AGPS: variants seen among roughly 807,000 people sequenced by gnomAD.
The protein encoded by AGPS is alkyldihydroxyacetonephosphate synthase, peroxisomal.
A neutral mutation model predicts 90.7 loss-of-function variants in AGPS; 26 were observed. The observed-to-expected ratio is 0.29, with a 90% CI of 0.21 to 0.40. AGPS has a LOEUF of 0.40. Among genes scored for constraint, AGPS ranks in the 10% least tolerant of loss-of-function variants. The pLI, the probability that AGPS is intolerant of heterozygous loss-of-function variation, is 1.00. For missense variants in AGPS, 540 were observed against 816.1 expected, an observed-to-expected ratio of 0.66 and a Z score of 4.12; for synonymous variants, 294 against 285.3, an observed-to-expected ratio of 1.03 and a Z score of -0.31.
chr2:177,518,565 G>C (rs1209141621), intron 17 of AGPS, among the ~76,000 whole-genome samples: 3 of 151,934 alleles, frequency 2.0e-5, no homozygotes, highest in Non-Finnish European at 2.9e-5. Context: ...AGTTATAATT[G>C]TGATACTTGT....
At chr2:177,526,803 G>T (rs953126219) in intron 19 of AGPS, among the ~76,000 whole-genome samples, 4 of 152,148 alleles carry the variant, frequency 2.6e-5, no homozygotes, top group Non-Finnish European at 1.5e-5. Context: ...GAAGAGAAAG[G>T]GGATAGAATA....
chr2:177,433,427 A>T (rs1026114709), intron 2 of AGPS, among the ~76,000 whole-genome samples: 10 of 152,110 alleles, frequency 6.6e-5, no homozygotes, highest in African/African-American at 2.4e-4. Flanking sequence ...TTTTTTTCTA[A>T]TATTCACCAG....
chr2:177,414,897 C>CGTGTGTGTGTGTGTGTGTGTGTGTGTGT (rs397986794), intron 1 of AGPS, among the ~76,000 whole-genome samples: 49 of 146,308 alleles, frequency 3.3e-4, no homozygotes, highest in African/African-American at 1.2e-3. Context: ...TATGAAGGTT[C>CGTGTGTGTGTGTGTGTGTGTGTGTGTGT]GTGTGTGTGT....
intron 2 of AGPS, among the ~76,000 whole-genome samples, chr2:177,420,635 C>T (rs146351419): frequency 6.6e-6 from 1 of 151,414 alleles, no homozygotes; most frequent in African/African-American, 2.4e-5. Context: ...TCCAAAATAG[C>T]AAAAAATTTT....
chr2:177,479,445 A>G (rs949591235), intron 10 of AGPS, among the ~76,000 whole-genome samples: 2 of 152,202 alleles, frequency 1.3e-5, no homozygotes, highest in Admixed American at 1.3e-4. Context: ...AGAAAGGAAA[A>G]CATGTGTCCA....
intron 2 of AGPS, among the ~76,000 whole-genome samples, chr2:177,429,853 C>G (rs1053566466): frequency 2.0e-5 from 3 of 152,176 alleles, no homozygotes; most frequent in Admixed American, 1.3e-4. Flanking sequence ...CTTTCATGTC[C>G]AGACTGCCTG....
At chr2:177,466,840 G>A (rs897970742) in intron 9 of AGPS, among the ~76,000 whole-genome samples, 1 of 151,870 alleles carries the variant, frequency 6.6e-6, no homozygotes, top group African/African-American at 2.4e-5. Context: ...AGAGTGTAGA[G>A]ATGCCTGGGT....
intron 11 of AGPS, among the ~76,000 whole-genome samples, 192 bp from the exon 12 acceptor site, chr2:177,492,956 C>A (rs947199176): frequency 1.3e-5 from 2 of 152,034 alleles, no homozygotes; most frequent in Non-Finnish European, 2.9e-5. Flanking sequence ...TTTCTTCTCT[C>A]CAAATATTTT....
At chr2:177,468,971 A>G (rs963029132) in intron 10 of AGPS, among the ~76,000 whole-genome samples, 2 of 152,108 alleles carry the variant, frequency 1.3e-5, no homozygotes, top group African/African-American at 4.8e-5. Context: ...TGGTTCACAT[A>G]TATTTTAAAC....
rs1364394121 is a variant in AGPS at position 177,521,295 on chromosome 2, C to T, written c.1724C>T (p.Ala575Val). Reference sequence around the variant, plus strand: ...GTGACGCAGACTTACGATGCAGGTGCTTGTATCTACTTCTATTTTGCCTTT... The same window carrying T: ...GTGACGCAGACTTACGATGCAGGTGTTTGTATCTACTTCTATTTTGCCTTT... Reference protein sequence around the residue: ...CRVTQTYDAGACIYFYFAFNY... With the variant: ...CRVTQTYDAGVCIYFYFAFNY... Residue 575 changes from alanine (A) to valine (V), a missense_variant, in exon 18 of 20, where the codon GCT becomes GTT. Ala to Val is a moderately conservative substitution (Grantham distance 64, BLOSUM62 0). Coordinates refer to ENST00000264167, the MANE Select transcript of AGPS (RefSeq NM_003659.4). The T allele has an allele frequency of 1.2e-6, 2 of 1,614,098 alleles. No individual in the cohort carries two copies. The highest frequency in any genetic ancestry group is 8.5e-7 in the Non-Finnish European group (1 of 1,179,962).
chr2:177,495,098 A>T (rs966792886), intron 12 of AGPS, among the ~76,000 whole-genome samples: 12 of 152,186 alleles, frequency 7.9e-5, no homozygotes, highest in Non-Finnish European at 1.8e-4. Context: ...TAATTTTAGT[A>T]TATTGAAATG....
rs541733709 is a variant in AGPS at position 177,538,221 on chromosome 2, T to A, written c.*26T>A. 4.4e-6 allele frequency: 7 copies of A among 1,608,962 alleles called. No individual in the cohort carries two copies. Among genetic ancestry groups the A allele is most frequent in the Admixed American group, 1.7e-5 (1 of 59,716 alleles). ...ATCCATTAGTACCATTACAAAAAAA[T>A]GTCAATTTTTTTTTTAAGTTTTCAA... On this transcript the variant is annotated 3_prime_UTR_variant, in exon 20 of 20. Transcript: ENST00000264167.
chr2:177,419,434 AG>A (rs1395158090), intron 1 of AGPS, among the ~76,000 whole-genome samples: 3 of 152,016 alleles, frequency 2.0e-5, no homozygotes, highest in Middle Eastern at 3.4e-3. Context: ...AGATCAAACT[AG>A]GGTACTATGC....
chr2:177,485,414 CATAA>C (rs1031542593), intron 11 of AGPS, among the ~76,000 whole-genome samples: 1 of 152,134 alleles, frequency 6.6e-6, no homozygotes, highest in African/African-American at 2.4e-5. Context: ...ACATTTCCGC[CATAA>C]ATAGTTGGTG....
chr2:177,414,396 T>G (rs1685725509), intron 1 of AGPS, among the ~76,000 whole-genome samples: 1 of 151,884 alleles, frequency 6.6e-6, no homozygotes, highest in South Asian at 2.1e-4. Flanking sequence ...TTTTGAGAAT[T>G]AGGGGTCCCG....
chr2:177,508,018 GCTC>G lies in AGPS; in HGVS notation c.1597_1599del (p.Pro533del), dbSNP rs1559077319. The G allele has an allele frequency of 6.2e-7, 1 of 1,612,228 alleles. No individual in the cohort carries two copies. Among genetic ancestry groups the G allele is most frequent in the Admixed American group, 1.7e-5 (1 of 60,018 alleles). ...ATTAGGAGAATCTTTTGAGACTTCTGCTCCTTGGGACAGGTAAAATATACTAAA... is the reference window on the plus strand; with the variant it reads ...ATTAGGAGAATCTTTTGAGACTTCTGCTTGGGACAGGTAAAATATACTAAA... On this transcript the variant is annotated inframe_deletion, in exon 16 of 20. Coordinates refer to ENST00000264167, the MANE Select transcript of AGPS (RefSeq NM_003659.4).
rs397986794 is a variant in AGPS at position 177,414,897 on chromosome 2, C to CGTGT, written c.261-5351_261-5348dup. Among the ~76,000 whole-genome samples the CGTGT allele has an allele frequency of 7.9e-3, 1,162 of 146,296 alleles. 15 individuals are homozygous for CGTGT. The highest frequency in any genetic ancestry group is 0.032 in the East Asian group (160 of 5,010). ...TATCCCATGGGTGCCTATGAAGGTT[C>CGTGT]GTGTGTGTGTGTGTGTGTGTGTGTA... On this transcript the variant is annotated intron_variant, in intron 1 of 19. Coordinates refer to ENST00000264167, the MANE Select transcript of AGPS (RefSeq NM_003659.4).
chr2:177,477,297 A>G (rs1356077760), intron 10 of AGPS, among the ~76,000 whole-genome samples: 2 of 152,012 alleles, frequency 1.3e-5, no homozygotes, highest in Admixed American at 6.6e-5. Flanking sequence ...GATTTTTTTC[A>G]GTATACTTTT....
At chr2:177,525,875 G>A (rs1275575255) in intron 19 of AGPS, among the ~76,000 whole-genome samples, 1 of 152,218 alleles carries the variant, frequency 6.6e-6, no homozygotes, top group Non-Finnish European at 1.5e-5. Flanking sequence ...TGCAGAAAGT[G>A]TAATATGGCA....
Sources: allele counts gnomAD v4.1 joint callset (sites outside exome capture counted in the v4.1 genomes callset), GRCh38; gene constraint gnomAD v4.1.1; transcripts MANE v1.5; gene names NCBI Gene and HGNC (gene_info 2026-07-23, HGNC 2026-07-21).